The following LMCD1 variants were observed in gnomAD, a reference collection of about 807,000 sequenced individuals.
LMCD1 encodes LIM and cysteine-rich domains protein 1.
In LMCD1, 32 loss-of-function variants were observed where a neutral mutation model predicts 42.7. That is an observed-to-expected ratio of 0.75 (90% confidence interval 0.57 to 1.01). LMCD1 has a LOEUF of 1.01. Ranked by LOEUF, LMCD1 falls within the 50% of genes least tolerant of loss-of-function variation. LMCD1 has a pLI of 0.00. For missense variants in LMCD1, 458 were observed against 483.1 expected, an observed-to-expected ratio of 0.95 and a Z score of 0.49; for synonymous variants, 178 against 184.9, an observed-to-expected ratio of 0.96 and a Z score of 0.30.
Position 8,547,708 on chromosome 3 carries a change from C to T in LMCD1, c.388-860C>T, listed in dbSNP as rs538873764. 7.1e-4 allele frequency among the ~76,000 whole-genome samples: 107 copies of T among 150,816 alleles called. 1 individual carries two copies. Among genetic ancestry groups the T allele is most frequent in the African/African-American group, 2.5e-3 (101 of 40,846 alleles). On this transcript the variant is annotated intron_variant, in intron 3 of 5. Transcript: ENST00000157600. ...GAGATCAAGACCATCCCGGCTAACACGGTGAAACCCTGTCTGTACTAAAAA... is the reference window on the plus strand; with the variant it reads ...GAGATCAAGACCATCCCGGCTAACATGGTGAAACCCTGTCTGTACTAAAAA...
chr3:8,561,743 A>T (rs1177965002), intron 4 of LMCD1, among the ~76,000 whole-genome samples: 1 of 152,220 alleles, frequency 6.6e-6, no homozygotes, highest in African/African-American at 2.4e-5. Context: ...ATAGAAAAAT[A>T]ACTCTAGAAG....
At chr3:8,505,081 C>T (rs755117133) in intron 1 of LMCD1, among the ~76,000 whole-genome samples, 2 of 152,236 alleles carry the variant, frequency 1.3e-5, no homozygotes, top group African/African-American at 4.8e-5. Flanking sequence ...AAAGGCTCAG[C>T]ATATGGGCAC....
chr3:8,515,420 T>C (rs188678529), intron 1 of LMCD1, among the ~76,000 whole-genome samples: 180 of 152,334 alleles, frequency 1.2e-3, no homozygotes, highest in African/African-American at 3.6e-3. Flanking sequence ...TTCTCTGTCC[T>C]GTGAAGTCCT....
At chr3:8,558,092 T>C (rs1220068430) in intron 4 of LMCD1, among the ~76,000 whole-genome samples, 4 of 152,190 alleles carry the variant, frequency 2.6e-5, no homozygotes, top group Non-Finnish European at 5.9e-5. Flanking sequence ...AAACACTGCC[T>C]TTATTACTAC....
At chr3:8,542,002 C>CTTTTTTTTTTTTTTT (rs1187864989) in intron 3 of LMCD1, among the ~76,000 whole-genome samples, 2 of 76,734 alleles carry the variant, frequency 2.6e-5, no homozygotes, top group African/African-American at 5.6e-5. Flanking sequence ...GAGGCTGGAG[C>CTTTTTTTTTTTTTTT]TTTTTTTTTT....
intron 1 of LMCD1, among the ~76,000 whole-genome samples, chr3:8,523,036 T>G (rs1694235952): frequency 6.6e-6 from 1 of 152,180 alleles, no homozygotes; most frequent in African/African-American, 2.4e-5. Flanking sequence ...GGGCTGCCGA[T>G]TCAGGCACTT....
chr3:8,535,293 A>G (rs996292217), intron 2 of LMCD1, among the ~76,000 whole-genome samples: 4 of 152,202 alleles, frequency 2.6e-5, no homozygotes, highest in Non-Finnish European at 5.9e-5. Flanking sequence ...ATGCAAAACA[A>G]AACAACCCAT....
intron 2 of LMCD1, among the ~76,000 whole-genome samples, chr3:8,535,327 T>C (rs1268519681): frequency 6.6e-6 from 1 of 152,184 alleles, no homozygotes; most frequent in East Asian, 1.9e-4. Context: ...TATTTAATTT[T>C]TTTTGAGAAG....
chr3:8,566,342 G>A (rs1238876467), intron 5 of LMCD1, among the ~76,000 whole-genome samples: 1 of 152,174 alleles, frequency 6.6e-6, no homozygotes, highest in Non-Finnish European at 1.5e-5. Context: ...TTTGGTTGCA[G>A]GCAATATACT....
At chr3:8,519,268 A>G (rs1170425695) in intron 1 of LMCD1, among the ~76,000 whole-genome samples, 1 of 152,200 alleles carries the variant, frequency 6.6e-6, no homozygotes, top group Non-Finnish European at 1.5e-5. Context: ...TGAGGGATAA[A>G]TAGAAGTTTG....
At position 8,522,438 on chromosome 3, in the gene LMCD1, G is replaced by A. The variant is rs559936183; in HGVS notation, c.43-10299G>A. Among the ~76,000 whole-genome samples, 3 of 152,282 alleles carry A rather than the reference G, an allele frequency of 2.0e-5. No individual in the cohort carries two copies. In the South Asian group the frequency reaches 6.2e-4, roughly 32 times the overall value. The stretch of plus-strand genomic sequence containing the variant: ...CCGGCCTTTTCCAGAACTGCCCCAG[G>A]GGTGTGTTCCTCAAGGAGCCTGAAC... On this transcript the variant is annotated intron_variant, in intron 1 of 5. Transcript: ENST00000157600.
At chr3:8,516,750 A>G (rs1333128305) in intron 1 of LMCD1, among the ~76,000 whole-genome samples, 2 of 152,202 alleles carry the variant, frequency 1.3e-5, no homozygotes, top group East Asian at 1.9e-4. Context: ...TAAAATCCGA[A>G]TGATCCAATT....
At chr3:8,536,884 T>C (rs1252850937) in intron 2 of LMCD1, among the ~76,000 whole-genome samples, 5 of 152,210 alleles carry the variant, frequency 3.3e-5, no homozygotes, top group Non-Finnish European at 7.3e-5. Context: ...CTTTAGAGCA[T>C]CTCTGATGAA....
chr3:8,532,263 T>C (rs1354688974), intron 1 of LMCD1, among the ~76,000 whole-genome samples: 2 of 152,254 alleles, frequency 1.3e-5, no homozygotes, highest in African/African-American at 4.8e-5. Context: ...TGCTTCAAGC[T>C]ATAAACATTT....
chr3:8,507,250 C>T (rs1481738014), intron 1 of LMCD1, among the ~76,000 whole-genome samples: 2 of 152,210 alleles, frequency 1.3e-5, no homozygotes, highest in African/African-American at 4.8e-5. Context: ...AAAATGCTCT[C>T]TATAAAACTT....
chr3:8,506,894 T>C (rs907682671), intron 1 of LMCD1, among the ~76,000 whole-genome samples: 1 of 152,210 alleles, frequency 6.6e-6, no homozygotes, highest in Non-Finnish European at 1.5e-5. Context: ...TTACACCAGA[T>C]CATCTCCCAA....
rs1239438138 is a variant in LMCD1, at chr3:8,572,165, G to C, written c.*4567G>C. The C allele has an allele frequency of 6.6e-6, 1 of 152,202 alleles. No individual in the cohort carries two copies. The highest frequency in any genetic ancestry group is 1.5e-5 in the Non-Finnish European group (1 of 68,026). 9.4% of individuals were successfully genotyped at this position (152,202 alleles called of 1,614,324 possible). ...CTTAGAAGATTAAAGGTTATTTAAA[G>C]TTGTTGAGTTAAATATCCATTAAAT... is the stretch of plus-strand genomic sequence containing the variant. On this transcript the variant is annotated 3_prime_UTR_variant, in exon 6 of 6. Transcript: ENST00000157600.
chr3:8,561,770 G>C (rs548843774), intron 4 of LMCD1, among the ~76,000 whole-genome samples: 1 of 152,112 alleles, frequency 6.6e-6, no homozygotes, highest in Non-Finnish European at 1.5e-5. Flanking sequence ...TAACTCTCTC[G>C]GGCTTATGTA....
At chr3:8,564,545 T>C (rs975423355) in intron 4 of LMCD1, among the ~76,000 whole-genome samples, 1 of 152,176 alleles carries the variant, frequency 6.6e-6, no homozygotes, top group Non-Finnish European at 1.5e-5. Context: ...GTGCTAGAAT[T>C]AAAGGCATAA....
Sources: gnomAD v4.1 joint callset for allele counts (sites outside exome capture counted in the v4.1 genomes callset) on GRCh38, gnomAD v4.1.1 for gene constraint, MANE v1.5 for transcripts, NCBI Gene and HGNC (gene_info 2026-07-23, HGNC 2026-07-21) for gene names.